The following DNMT3B variants were observed in gnomAD, a reference collection of about 807,000 sequenced individuals.
DNMT3B encodes DNA methyltransferase 3 beta, also known as DNA (cytosine-5)-methyltransferase 3B.
A neutral mutation model predicts 120.2 loss-of-function variants in DNMT3B; 37 were observed. That is an observed-to-expected ratio of 0.31 (90% CI 0.24 to 0.40). The LOEUF (loss-of-function observed/expected upper bound fraction) is 0.40, where lower values mean the gene tolerates loss of function less well. DNMT3B is among the 10% of genes least tolerant of loss of function. The pLI, the probability that DNMT3B is intolerant of heterozygous loss-of-function variation, is 1.00. For synonymous variants in DNMT3B, 412 were observed against 442.8 expected (o/e 0.93, Z 0.87); for missense variants, 878 against 1,137.3 (o/e 0.77, Z 3.28).
At chr20:32,771,826 T>C (rs1370010574) in intron 1 of DNMT3B, among the ~76,000 whole-genome samples, 1 of 152,162 alleles carries the variant, frequency 6.6e-6, no homozygotes, top group Non-Finnish European at 1.5e-5. Flanking sequence ...CAAATAATTA[T>C]GTTGATTAAA....
chr20:32,795,639 T>G lies in DNMT3B; in HGVS notation c.1253-11T>G. 1 of 1,614,152 alleles carries G rather than the reference T, an allele frequency of 6.2e-7. No homozygotes were observed. Among genetic ancestry groups the G allele is most frequent in the Non-Finnish European group, 8.5e-7 (1 of 1,180,030 alleles). On this transcript the variant is annotated splice_polypyrimidine_tract_variant and intron_variant, in intron 11 of 22. Coordinates refer to ENST00000328111, the MANE Select transcript of DNMT3B (RefSeq NM_006892.4). ...CTGACCTCATCTCATGCCTTCTTCT[T>G]TTCTCAATAGAACAAATGGCTTCAG...
intron 12 of DNMT3B, among the ~76,000 whole-genome samples, chr20:32,795,958 A>G (rs1980574718): frequency 6.6e-6 from 1 of 152,264 alleles, no homozygotes; most frequent in African/African-American, 2.4e-5. Context: ...GCCATAACCT[A>G]AAACCAAGAT....
At position 32,800,140 on chromosome 20, in the gene DNMT3B, C is replaced by G; in HGVS notation, c.1760-13C>G. On this transcript the variant is annotated splice_polypyrimidine_tract_variant and intron_variant, in intron 16 of 22. Transcript: ENST00000328111. ...GCATCATTTATGCTTCTGTGTCTCTCTGGCCCCCACAGGCTACCTAGTCCT... is the reference window on the plus strand; with the variant it reads ...GCATCATTTATGCTTCTGTGTCTCTGTGGCCCCCACAGGCTACCTAGTCCT... 2.5e-6 allele frequency: 4 copies of G among 1,614,166 alleles called. No homozygotes were observed. Among genetic ancestry groups the G allele is most frequent in the Non-Finnish European group, 3.4e-6 (4 of 1,180,034 alleles).
intron 1 of DNMT3B, among the ~76,000 whole-genome samples, chr20:32,777,471 A>C (rs548907146): frequency 6.6e-6 from 1 of 152,150 alleles, no homozygotes; most frequent in African/African-American, 2.4e-5. Context: ...CCCAGCACAC[A>C]TTAGAACCCC....
intron 5 of DNMT3B, 94 bp from the exon 6 acceptor site, chr20:32,787,136 T>G (rs931036895): frequency 2.7e-5 from 39 of 1,457,030 alleles, no homozygotes; most frequent in Non-Finnish European, 3.8e-5. Flanking sequence ...TCTTTCCTCT[T>G]TCTTTTTGCC....
In DNMT3B at chr20:32,808,134, C is replaced by A; in HGVS notation, c.*231C>A. Reference sequence around the variant, plus strand: ...CCTGGCTGCTTGGAGCAGCCTAACACGGTGCTCATTTTTTCTTCTCCTAAA... The same window carrying A: ...CCTGGCTGCTTGGAGCAGCCTAACAAGGTGCTCATTTTTTCTTCTCCTAAA... On this transcript the variant is annotated 3_prime_UTR_variant, in exon 23 of 23. Coordinates refer to ENST00000328111, the MANE Select transcript of DNMT3B (RefSeq NM_006892.4). The A allele has an allele frequency of 1.6e-6, 1 of 628,784 alleles. No homozygotes were observed. Among genetic ancestry groups the A allele is most frequent in the Non-Finnish European group, 2.7e-6 (1 of 374,408 alleles). The allele number at this position is 628,784 out of a possible 1,614,324, so 39.0% of individuals were successfully genotyped here. A position where few individuals can be genotyped will look rare whatever the true frequency, so the allele number is the denominator to read the frequency against.
At position 32,807,774 on chromosome 20, in the gene DNMT3B, T is replaced by C. The variant is rs1982130250; in HGVS notation, c.2433T>C (p.Phe811=). ...WCTELERIFG[F]PVHYTDVSNM... ...CCGGTACCCCCAGGATCTTTGGCTTTCCTGTGCACTACACAGACGTGTCCA... is the reference window on the plus strand; with the variant it reads ...CCGGTACCCCCAGGATCTTTGGCTTCCCTGTGCACTACACAGACGTGTCCA... Residue 811 remains phenylalanine, a synonymous_variant, in exon 23 of 23, where the codon TTT becomes TTC. Coordinates refer to ENST00000328111, the MANE Select transcript of DNMT3B (RefSeq NM_006892.4). 1.9e-6 allele frequency: 3 copies of C among 1,614,048 alleles called. No individual in the cohort carries two copies. The highest frequency in any genetic ancestry group is 2.5e-6 in the Non-Finnish European group (3 of 1,180,048).
intron 6 of DNMT3B, among the ~76,000 whole-genome samples, chr20:32,788,633 T>C (rs1979607673): frequency 6.6e-6 from 1 of 152,192 alleles, no homozygotes; most frequent in Admixed American, 6.5e-5. Flanking sequence ...AAATGGAGTC[T>C]TGCTGTGTTG....
intron 1 of DNMT3B, among the ~76,000 whole-genome samples, chr20:32,765,712 AC>A (rs1158491549): frequency 5.9e-5 from 8 of 135,666 alleles, no homozygotes; most frequent in Non-Finnish European, 1.3e-4. Context: ...TGGCTGTTAC[AC>A]CCGGCTGCTT....
intron 1 of DNMT3B, among the ~76,000 whole-genome samples, chr20:32,768,276 A>G (rs1987507392): frequency 7.8e-6 from 1 of 128,228 alleles, no homozygotes; most frequent in Non-Finnish European, 1.6e-5. Context: ...GCTCACCACA[A>G]CCCCCGCTTC....
At chr20:32,806,635 G>A (rs1291554912) in intron 22 of DNMT3B, among the ~76,000 whole-genome samples, 1 of 152,154 alleles carries the variant, frequency 6.6e-6, no homozygotes, top group African/African-American at 2.4e-5. Context: ...GCCAGTGAAA[G>A]AAAACCCCAC....
chr20:32,773,054 T>C (rs1987838323), intron 1 of DNMT3B, among the ~76,000 whole-genome samples: 1 of 151,960 alleles, frequency 6.6e-6, no homozygotes, highest in East Asian at 1.9e-4. Context: ...CCCGACCTCA[T>C]GTAATCCGCC....
At chr20:32,765,288 T>C (rs1290370624) in intron 1 of DNMT3B, among the ~76,000 whole-genome samples, 1 of 152,142 alleles carries the variant, frequency 6.6e-6, no homozygotes, top group Admixed American at 6.6e-5. Context: ...AAAAAGAGAC[T>C]GAGCAGATAT....
At chr20:32,783,788 C>T (rs73615609) in intron 3 of DNMT3B, among the ~76,000 whole-genome samples, 7 of 152,070 alleles carry the variant, frequency 4.6e-5, no homozygotes, top group Admixed American at 6.5e-5. Flanking sequence ...TGCAATGGCA[C>T]GATCTCGGCT....
chr20:32,787,086 GA>G lies in DNMT3B; in HGVS notation c.433-140del, dbSNP rs2145947509. The G allele has an allele frequency of 4.2e-6, 4 of 959,028 alleles. No homozygotes were observed. In the South Asian group the frequency reaches 5.3e-5, roughly 13 times the overall value. The allele number at this position is 959,028 out of a possible 1,614,324, so 59.4% of individuals were successfully genotyped here. A position where few individuals can be genotyped will look rare whatever the true frequency, so the allele number is the denominator to read the frequency against. On this transcript the variant is annotated intron_variant, in intron 5 of 22. Transcript: ENST00000328111. ...CCCCCTTAAGGGATACGTGTTCCTG[GA>G]AAAGTTTCTTCAGCGGTCTCTGTTC...
At chr20:32,766,775 G>T (rs1185228927) in intron 1 of DNMT3B, among the ~76,000 whole-genome samples, 2 of 151,872 alleles carry the variant, frequency 1.3e-5, no homozygotes, top group Non-Finnish European at 2.9e-5. Context: ...GTAAAGATGG[G>T]GTTTCACCTC....
rs370105694 is a variant in DNMT3B, at chr20:32,788,838, G to A, written c.655-16G>A. 1.3e-4 allele frequency: 206 copies of A among 1,614,084 alleles called. 1 individual carries two copies. Among genetic ancestry groups the A allele is most frequent in the Non-Finnish European group, 1.7e-4 (196 of 1,180,048 alleles). On this transcript the variant is annotated splice_polypyrimidine_tract_variant and intron_variant, in intron 6 of 22. Transcript: ENST00000328111. ...CCTCTCCTCACTGGGATTTCTTCAT[G>A]TGGGTTTTCTTCCAGGATGGGAAGG...
chr20:32,791,790 GC>G, intron 8 of DNMT3B, 82 bp downstream of exon 8: 1 of 1,513,680 alleles, frequency 6.6e-7, no homozygotes. Context: ...GCTCAGTGTT[GC>G]CAAGGGTGGT....
intron 1 of DNMT3B, among the ~76,000 whole-genome samples, chr20:32,772,154 A>G (rs899894443): frequency 6.6e-6 from 1 of 152,186 alleles, no homozygotes; most frequent in Non-Finnish European, 1.5e-5. Flanking sequence ...TGCTATGACA[A>G]ATGGGACTGC....
Sources: gnomAD v4.1 joint callset for allele counts (sites outside exome capture counted in the v4.1 genomes callset) on GRCh38, gnomAD v4.1.1 for gene constraint, MANE v1.5 for transcripts, NCBI Gene and HGNC (gene_info 2026-07-23, HGNC 2026-07-21) for gene names.